USP31: variants seen among roughly 807,000 people sequenced by gnomAD.
The protein encoded by USP31 is ubiquitin carboxyl-terminal hydrolase 31.
Under a neutral mutation model 119.4 loss-of-function variants are expected in USP31, and 44 were observed. The ratio of observed to expected loss-of-function variants is 0.37; its 90% confidence interval spans 0.29 to 0.47. The LOEUF (loss-of-function observed/expected upper bound fraction) is 0.47. Ranked by LOEUF, USP31 falls within the 20% of genes least tolerant of loss-of-function variation. The pLI, the probability that USP31 is intolerant of heterozygous loss-of-function variation, is 0.99. For missense variants in USP31, 1,643 were observed against 1,730.2 expected, an observed-to-expected ratio of 0.95 and a Z score of 0.89; for synonymous variants, 749 against 705.6, an observed-to-expected ratio of 1.06 and a Z score of -0.97.
rs548414660 is a variant in USP31 at position 23,068,184 on chromosome 16, G to A, written c.3921C>T (p.Ser1307=). 9.3e-6 allele frequency: 15 copies of A among 1,614,156 alleles called. No homozygotes were observed. Among genetic ancestry groups the A allele is most frequent in the Middle Eastern group, 1.6e-4 (1 of 6,062 alleles). The change falls in exon 16 of 16, where the codon TCC becomes TCT. Residue 1307 remains serine (S), a synonymous_variant. Transcript: ENST00000219689. ...DPASAKHSLL[S]ARKSKSSQLD... is the part of the protein sequence containing the mutation. ...GTTGGGAAGACTTGGATTTGCGAGCGGACAGCAGGGAATGTTTGGCAGAAG... is the reference window on the plus strand; with the variant it reads ...GTTGGGAAGACTTGGATTTGCGAGCAGACAGCAGGGAATGTTTGGCAGAAG...
intron 6 of USP31, among the ~76,000 whole-genome samples, chr16:23,093,129 G>A (rs1008376266): frequency 6.6e-6 from 1 of 152,110 alleles, no homozygotes; most frequent in African/African-American, 2.4e-5. Context: ...ATGTGGTGAC[G>A]GATTCTTAGA....
chr16:23,126,156 A>G (rs1902845578), intron 1 of USP31, among the ~76,000 whole-genome samples: 1 of 146,326 alleles, frequency 6.8e-6, no homozygotes, highest in Non-Finnish European at 1.5e-5. Context: ...TCTCTACAAG[A>G]AAAAAAAAAA....
intron 12 of USP31, among the ~76,000 whole-genome samples, chr16:23,080,731 G>T (rs1202799283): frequency 1.3e-5 from 2 of 152,212 alleles, no homozygotes; most frequent in East Asian, 3.8e-4. Flanking sequence ...ACCATCAGTT[G>T]AAGAGATAAT....
At chr16:23,097,707 G>A (rs1013951943) in intron 6 of USP31, among the ~76,000 whole-genome samples, 5 of 152,158 alleles carry the variant, frequency 3.3e-5, no homozygotes, top group African/African-American at 1.2e-4. Flanking sequence ...CACATAAACA[G>A]AACCAATGAC....
intron 1 of USP31, among the ~76,000 whole-genome samples, chr16:23,117,760 T>TTTTG (rs1555468289): frequency 2.8e-5 from 4 of 145,010 alleles, no homozygotes; most frequent in Non-Finnish European, 6.1e-5. Flanking sequence ...TCTTTTTTTT[T>TTTTG]TTGTTGTTGT....
intron 1 of USP31, among the ~76,000 whole-genome samples, chr16:23,126,768 T>C (rs967101497): frequency 3.3e-5 from 5 of 152,176 alleles, no homozygotes; most frequent in African/African-American, 1.2e-4. Flanking sequence ...AATAATCCAC[T>C]GTGCAGGGCA....
In USP31 at chr16:23,065,022, G is replaced by A. The variant is rs1900008775; in HGVS notation, c.*3024C>T. On this transcript the variant is annotated 3_prime_UTR_variant, in exon 16 of 16. Transcript: ENST00000219689. ...TGGTCTAAGATGACTGGAGCCTAAC[G>A]GTTTGAGTTTCCACATTATCTAAGG... is the stretch of plus-strand genomic sequence containing the variant. 1 of 152,096 alleles carries A rather than the reference G, an allele frequency of 6.6e-6. No individual in the cohort carries two copies. Among genetic ancestry groups the A allele is most frequent in the Non-Finnish European group, 1.5e-5 (1 of 68,054 alleles). The allele number at this position is 152,096 out of a possible 1,614,324, so 9.4% of individuals were successfully genotyped here. A position where few individuals can be genotyped will look rare whatever the true frequency, so the allele number is the denominator to read the frequency against.
At chr16:23,076,945 A>T (rs1250269045) in intron 13 of USP31, among the ~76,000 whole-genome samples, 1 of 152,232 alleles carries the variant, frequency 6.6e-6, no homozygotes, top group Non-Finnish European at 1.5e-5. Flanking sequence ...GAACACAGAC[A>T]TGACTGGTAA....
chr16:23,087,601 A>C, intron 8 of USP31, 123 bp downstream of exon 8: 1 of 880,348 alleles, frequency 1.1e-6, no homozygotes, highest in Non-Finnish European at 1.7e-6. Context: ...CTCTTTCATA[A>C]AATGAGGGAT....
rs1164044884 is a variant in USP31, at chr16:23,064,153, C to T, written c.*3893G>A. The T allele has an allele frequency of 6.6e-6, 1 of 152,590 alleles. No homozygotes were observed. The highest frequency in any genetic ancestry group is 1.5e-5 in the Non-Finnish European group (1 of 68,026). 9.5% of individuals were successfully genotyped at this position (152,590 alleles called of 1,614,324 possible). On this transcript the variant is annotated 3_prime_UTR_variant, in exon 16 of 16. Transcript: ENST00000219689. ...TGTTTTATTGAAACTGTGCTTATGACTTGCATACTATTTCAAAAATCCAAC... is the reference window on the plus strand; with the variant it reads ...TGTTTTATTGAAACTGTGCTTATGATTTGCATACTATTTCAAAAATCCAAC...
At chr16:23,071,950 T>C in intron 15 of USP31, 95 bp downstream of exon 15, 1 of 1,499,422 alleles carries the variant, frequency 6.7e-7, no homozygotes, top group Non-Finnish European at 8.9e-7. Context: ...TCTCCTACCA[T>C]CTCCTTGGGA....
chr16:23,147,046 G>A (rs191157054), intron 1 of USP31, among the ~76,000 whole-genome samples: 9 of 151,886 alleles, frequency 5.9e-5, no homozygotes, highest in African/African-American at 2.2e-4. Flanking sequence ...CTTCGTCCTG[G>A]GCAAGATTAG....
chr16:23,127,317 C>T (rs566774104), intron 1 of USP31, among the ~76,000 whole-genome samples: 1 of 142,438 alleles, frequency 7.0e-6, no homozygotes, highest in Admixed American at 7.4e-5. Flanking sequence ...GTCCCAGCTA[C>T]TCCAGGGACT....
intron 1 of USP31, among the ~76,000 whole-genome samples, chr16:23,108,515 G>A (rs2141876499): frequency 6.6e-6 from 1 of 152,310 alleles, no homozygotes; most frequent in African/African-American, 2.4e-5. Context: ...TTAAAAAAGA[G>A]AATTGGTTAA....
intron 1 of USP31, among the ~76,000 whole-genome samples, chr16:23,126,395 C>T (rs1421391341): frequency 1.4e-5 from 2 of 145,730 alleles, no homozygotes; most frequent in African/African-American, 5.1e-5. Context: ...GAGGCTGAGG[C>T]GGGTGGATCA....
intron 1 of USP31, among the ~76,000 whole-genome samples, chr16:23,124,944 A>G (rs577276842): frequency 6.6e-5 from 10 of 152,324 alleles, no homozygotes; most frequent in African/African-American, 2.2e-4. Context: ...AAGGCAAGCT[A>G]TAAAACAATC....
intron 1 of USP31, among the ~76,000 whole-genome samples, chr16:23,111,833 T>C (rs1215632976): frequency 1.3e-5 from 2 of 152,236 alleles, no homozygotes; most frequent in African/African-American, 2.4e-5. Context: ...ATCAACAGTG[T>C]GAAATGTTGA....
intron 1 of USP31, among the ~76,000 whole-genome samples, chr16:23,142,589 G>A (rs779740416): frequency 2.0e-5 from 3 of 152,322 alleles, no homozygotes; most frequent in Middle Eastern, 3.4e-3. Flanking sequence ...GTGGAAGTCA[G>A]AATTCTGGTT....
chr16:23,120,392 T>C (rs1670342459), intron 1 of USP31, among the ~76,000 whole-genome samples: 1 of 152,242 alleles, frequency 6.6e-6, no homozygotes, highest in African/African-American at 2.4e-5. Context: ...TATATGTCAA[T>C]GATATCTCAG....
Sources: gnomAD v4.1 joint callset for allele counts (sites outside exome capture counted in the v4.1 genomes callset) on GRCh38, gnomAD v4.1.1 for gene constraint, MANE v1.5 for transcripts, NCBI Gene and HGNC (gene_info 2026-07-23, HGNC 2026-07-21) for gene names.